The following CRTAC1 variants were observed in gnomAD, a reference collection of about 807,000 sequenced individuals.
CRTAC1 encodes the protein acidic secreted protein in cartilage.
Under a neutral mutation model 67.8 loss-of-function variants are expected in CRTAC1, and 37 were observed. The observed-to-expected ratio is 0.55, with a 90% CI of 0.42 to 0.72. CRTAC1 has a LOEUF of 0.72. CRTAC1 is among the 30% of genes least tolerant of loss of function. CRTAC1 has a pLI of 0.00. For synonymous variants in CRTAC1, 348 were observed against 371.0 expected, an observed-to-expected ratio of 0.94 and a Z score of 0.71; for missense variants, 780 against 931.6, an observed-to-expected ratio of 0.84 and a Z score of 2.12.
At chr10:97,888,271 G>C (rs1295190679) in intron 11 of CRTAC1, among the ~76,000 whole-genome samples, 1 of 152,222 alleles carries the variant, frequency 6.6e-6, no homozygotes. Flanking sequence ...CAACAGCACT[G>C]TTACCATGTG....
intron 14 of CRTAC1, among the ~76,000 whole-genome samples, chr10:97,877,630 G>A (rs1396670746): frequency 1.3e-5 from 2 of 152,232 alleles, no homozygotes; most frequent in African/African-American, 4.8e-5. Flanking sequence ...TGCTCAATCA[G>A]TATCTGTTGA....
intron 14 of CRTAC1, chr10:97,878,247 T>C (rs2050169471): frequency 5.5e-6 from 1 of 182,824 alleles, no homozygotes; most frequent in African/African-American, 2.4e-5. Flanking sequence ...TCTTTAGTTC[T>C]ATGTCAATAC....
chr10:97,959,723 C>T (rs2051494885), intron 2 of CRTAC1, among the ~76,000 whole-genome samples: 1 of 152,238 alleles, frequency 6.6e-6, no homozygotes, highest in African/African-American at 2.4e-5. Context: ...AGCCCACTGC[C>T]ACTGGACTCT....
At chr10:98,001,563 G>A (rs1237124864) in intron 2 of CRTAC1, among the ~76,000 whole-genome samples, 2 of 151,304 alleles carry the variant, frequency 1.3e-5, no homozygotes, top group Admixed American at 6.6e-5. Flanking sequence ...AAAAAAAAAT[G>A]TGACTTAGGA....
At chr10:97,971,506 A>C (rs1244772463) in intron 2 of CRTAC1, among the ~76,000 whole-genome samples, 1 of 152,208 alleles carries the variant, frequency 6.6e-6, no homozygotes, top group African/African-American at 2.4e-5. Context: ...CGGCGCGAGG[A>C]GAGAATGGGG....
chr10:97,928,535 C>G lies in CRTAC1; in HGVS notation c.422-5135G>C, dbSNP rs559869148. ...CGAGGTGGGTACTATTTTCATGACC[C>G]CTTTACGTATGAAGCGCCTGGGGCA... On this transcript the variant is annotated intron_variant, in intron 3 of 14. Coordinates refer to ENST00000370597, the MANE Select transcript of CRTAC1 (RefSeq NM_018058.7). Among the ~76,000 whole-genome samples the G allele has an allele frequency of 6.6e-5, 10 of 152,334 alleles. No homozygotes were observed. In the South Asian group the frequency reaches 1.0e-3, roughly 16 times the overall value.
chr10:97,971,701 C>T (rs560595675), intron 2 of CRTAC1, among the ~76,000 whole-genome samples: 66 of 152,194 alleles, frequency 4.3e-4, no homozygotes, highest in Admixed American at 2.4e-3. Context: ...TTTTTTAAAG[C>T]TACAAGATTG....
chr10:97,985,212 A>G (rs2051960486), intron 2 of CRTAC1, among the ~76,000 whole-genome samples: 1 of 152,202 alleles, frequency 6.6e-6, no homozygotes, highest in Non-Finnish European at 1.5e-5. Context: ...AAAATGACAA[A>G]TTTGAACCAT....
At chr10:97,881,163 C>A (rs1184112920) in intron 13 of CRTAC1, among the ~76,000 whole-genome samples, 2 of 152,188 alleles carry the variant, frequency 1.3e-5, no homozygotes, top group Non-Finnish European at 2.9e-5. Flanking sequence ...TCATGTCACT[C>A]CCCAGTTTAG....
chr10:98,003,004 C>T (rs974292913), intron 2 of CRTAC1, among the ~76,000 whole-genome samples: 8 of 151,372 alleles, frequency 5.3e-5, no homozygotes, highest in South Asian at 2.1e-4. Flanking sequence ...AGGATGGTCT[C>T]GATCTCCTGA....
At chr10:98,012,848 G>A (rs954309205) in intron 1 of CRTAC1, among the ~76,000 whole-genome samples, 2 of 152,150 alleles carry the variant, frequency 1.3e-5, no homozygotes, top group African/African-American at 4.8e-5. Context: ...TGTGGGGTGT[G>A]GCACTACCAA....
At chr10:97,893,017 C>T (rs1283575456) in intron 11 of CRTAC1, among the ~76,000 whole-genome samples, 1 of 152,160 alleles carries the variant, frequency 6.6e-6, no homozygotes, top group Non-Finnish European at 1.5e-5. Context: ...GGTTTGAATC[C>T]CAGTGCTGCC....
At chr10:97,899,929 G>A (rs2050510350) in intron 8 of CRTAC1, among the ~76,000 whole-genome samples, 1 of 152,162 alleles carries the variant, frequency 6.6e-6, no homozygotes, top group Non-Finnish European at 1.5e-5. Flanking sequence ...CACCTATCCA[G>A]GACTCATGGG....
intron 13 of CRTAC1, among the ~76,000 whole-genome samples, chr10:97,880,996 T>C (rs2050206267): frequency 6.6e-6 from 1 of 152,178 alleles, no homozygotes; most frequent in Non-Finnish European, 1.5e-5. Context: ...CTGTCACCTC[T>C]TTCTCATTCC....
At chr10:97,937,014 T>C (rs118176228) in intron 2 of CRTAC1, among the ~76,000 whole-genome samples, 2,034 of 152,308 alleles carry the variant, frequency 0.013, 13 homozygotes, top group Non-Finnish European at 0.022. Context: ...ACAAAGTCCC[T>C]GCATTTAAAC....
At chr10:97,915,712 TG>T (rs2050749714) in intron 5 of CRTAC1, among the ~76,000 whole-genome samples, 1 of 134,028 alleles carries the variant, frequency 7.5e-6, no homozygotes, top group African/African-American at 2.8e-5. Context: ...AGGGTAGTGT[TG>T]GGGGGCTTGG....
intron 7 of CRTAC1, among the ~76,000 whole-genome samples, chr10:97,903,021 G>A (rs1004394171): frequency 2.6e-5 from 4 of 151,860 alleles, no homozygotes; most frequent in Non-Finnish European, 5.9e-5. Context: ...TGCCCTATTC[G>A]ATGCCTGAGC....
intron 2 of CRTAC1, among the ~76,000 whole-genome samples, chr10:98,005,100 A>ATATATTT: frequency 6.1e-5 from 3 of 48,926 alleles, no homozygotes; most frequent in African/African-American, 2.3e-4. Context: ...ATATATATAT[A>ATATATTT]TTTTTTTTTT....
intron 14 of CRTAC1, among the ~76,000 whole-genome samples, chr10:97,876,103 C>T (rs2050144245): frequency 6.6e-6 from 1 of 152,176 alleles, no homozygotes; most frequent in Admixed American, 6.5e-5. Flanking sequence ...CCCAATCCTG[C>T]TCTTGATCCT....
Sources: gnomAD v4.1 joint callset for allele counts (sites outside exome capture counted in the v4.1 genomes callset) on GRCh38, gnomAD v4.1.1 for gene constraint, MANE v1.5 for transcripts, NCBI Gene and HGNC (gene_info 2026-07-23, HGNC 2026-07-21) for gene names.